The following TSPAN1 variants were observed in gnomAD, a reference collection of about 807,000 sequenced individuals.
TSPAN1 encodes tetraspanin-1.
TSPAN1 carries 23 observed loss-of-function variants against 26.9 expected under a neutral mutation model. The ratio of observed to expected loss-of-function variants is 0.85; its 90% CI spans 0.62 to 1.21. TSPAN1 has a LOEUF of 1.21. Ranked by LOEUF, TSPAN1 falls within the 50% of genes most tolerant of loss-of-function variation. TSPAN1 has a pLI of 0.00. For missense variants in TSPAN1, 283 were observed against 298.4 expected, an observed-to-expected ratio of 0.95 and a Z score of 0.38; for synonymous variants, 115 against 114.8, an observed-to-expected ratio of 1.00 and a Z score of -0.01.
the TSPAN1 span, chr1:46,191,139 C>T: frequency 1.1e-5 from 4 of 350,532 alleles, no homozygotes; most frequent in Non-Finnish European, 1.7e-5. Flanking sequence ...AAGGGACGGG[C>T]TGGGCTGGGA....
intron 8 of TSPAN1, 31 bp from the exon 9 acceptor site, chr1:46,185,455 C>G: frequency 3.1e-6 from 5 of 1,613,062 alleles, no homozygotes; most frequent in South Asian, 1.1e-5. Context: ...CTATCATGTT[C>G]CCTCATCTCT....
At chr1:46,193,492 C>A in the TSPAN1 span, 1 of 1,613,020 alleles carries the variant, frequency 6.2e-7, no homozygotes, top group South Asian at 1.1e-5. Context: ...GGCGGTCTCC[C>A]TTGCCCGTCC....
downstream of TSPAN1, chr1:46,188,834 G>A (rs1275959039): frequency 6.2e-6 from 10 of 1,612,816 alleles, no homozygotes; most frequent in Non-Finnish European, 8.5e-6. Flanking sequence ...GCCTGTCCAT[G>A]GGTTGGGCAC....
the TSPAN1 span, chr1:46,191,814 T>C: frequency 2.7e-6 from 1 of 376,984 alleles, no homozygotes; most frequent in South Asian, 2.1e-5. Flanking sequence ...TTTTGTATTT[T>C]TAGTAGAGAT....
intron 8 of TSPAN1, 42 bp from the exon 9 acceptor site, chr1:46,185,444 C>G (rs1482787009): frequency 5.0e-6 from 8 of 1,613,122 alleles, no homozygotes; most frequent in Middle Eastern, 1.7e-4. Flanking sequence ...CTTCAGGATC[C>G]CTATCATGTT....
At chr1:46,175,522 A>T (rs1657111157) in intron 1 of TSPAN1, 113 bp downstream of exon 1, 1 of 398,876 alleles carries the variant, frequency 2.5e-6, no homozygotes, top group East Asian at 3.6e-5. Flanking sequence ...TTCACCACCC[A>T]CACGGCCCCT....
intron 4 of TSPAN1, 91 bp downstream of exon 4, chr1:46,184,488 C>T: frequency 1.2e-6 from 2 of 1,605,238 alleles, no homozygotes; most frequent in Non-Finnish European, 1.7e-6. Flanking sequence ...GCTTTGGACC[C>T]CCCTAGGCTC....
At chr1:46,193,568 T>C in the TSPAN1 span, 5 of 1,614,016 alleles carry the variant, frequency 3.1e-6, no homozygotes, top group African/African-American at 6.7e-5. Context: ...GCTCACCTCA[T>C]AGTAGCCGTC....
chr1:46,188,648 C>T (rs979423693), downstream of TSPAN1: 1 of 1,550,044 alleles, frequency 6.5e-7, no homozygotes, highest in South Asian at 1.2e-5. Context: ...CCTCCAGCAC[C>T]CCCCTGACAC....
chr1:46,177,387 C>G (rs949242815), intron 1 of TSPAN1, among the ~76,000 whole-genome samples: 1 of 151,642 alleles, frequency 6.6e-6, no homozygotes, highest in Admixed American at 6.6e-5. Flanking sequence ...ATCTAACTAT[C>G]TATCTATATT....
chr1:46,185,981 C>T (rs184089125), downstream of TSPAN1: 3 of 174,382 alleles, frequency 1.7e-5, no homozygotes, highest in African/African-American at 4.8e-5. Context: ...CTTCATGTAT[C>T]CTTGGGGAGA....
At chr1:46,179,989 TTG>T (rs918590782) in intron 1 of TSPAN1, among the ~76,000 whole-genome samples, 11 of 135,538 alleles carry the variant, frequency 8.1e-5, no homozygotes, top group South Asian at 2.2e-4. Context: ...GTGTGTGTGT[TTG>T]TGTGTGTGTG....
chr1:46,184,692 GGAA>G, intron 5 of TSPAN1, 24 bp downstream of exon 5: 4 of 1,614,092 alleles, frequency 2.5e-6, no homozygotes, highest in South Asian at 2.2e-5. Context: ...ATGGAGGAAG[GGAA>G]GAAGATTGGG....
downstream of TSPAN1, chr1:46,190,202 G>T (rs922423941): frequency 1.4e-4 from 87 of 643,138 alleles, 1 homozygote; most frequent in South Asian, 1.7e-3. Flanking sequence ...CTGCCACCAC[G>T]CCCGGCTAAT....
At chr1:46,176,505 G>T (rs752403981) in intron 1 of TSPAN1, 1 of 1,533,226 alleles carries the variant, frequency 6.5e-7, no homozygotes, top group Non-Finnish European at 8.7e-7. Flanking sequence ...TGCCTGGGGG[G>T]TGCTGTTGGC....
At chr1:46,191,850 G>A in the TSPAN1 span, 1 of 441,302 alleles carries the variant, frequency 2.3e-6, no homozygotes, top group South Asian at 2.0e-5. Context: ...TAGCCAGGAT[G>A]GTCTCGATCT....
the TSPAN1 span, chr1:46,194,838 C>T: frequency 6.9e-5 from 112 of 1,614,092 alleles, no homozygotes; most frequent in African/African-American, 2.9e-4. Flanking sequence ...CCTCTGATGC[C>T]GGCACCTCCT....
chr1:46,196,221 G>C, the TSPAN1 span: 1 of 1,503,048 alleles, frequency 6.7e-7, no homozygotes, highest in African/African-American at 1.4e-5. This position sits in a 1 kb window ranked among gnomAD's most constrained non-coding sequence, Gnocchi z 4.4. Context: ...AACTCAGCTC[G>C]AAGGCCACCT....
chr1:46,177,174 A>C (rs904858885), intron 1 of TSPAN1, among the ~76,000 whole-genome samples: 6 of 152,170 alleles, frequency 3.9e-5, no homozygotes, highest in Admixed American at 3.3e-4. Flanking sequence ...ATCTCTACTA[A>C]AAATACAAAA....
Sources: allele counts gnomAD v4.1 joint callset (sites outside exome capture counted in the v4.1 genomes callset), GRCh38; gene constraint gnomAD v4.1.1; non-coding constraint Gnocchi (gnomAD v3.1); transcripts MANE v1.5; gene names NCBI Gene and HGNC (gene_info 2026-07-23, HGNC 2026-07-21).